Variants in RIMS2 observed in about 807,000 individuals in gnomAD.
RIMS2 encodes the protein regulating synaptic membrane exocytosis protein 2.
Under a neutral mutation model 174.4 loss-of-function variants are expected in RIMS2, and 59 were observed. The ratio of observed to expected loss-of-function variants is 0.34; its 90% CI spans 0.27 to 0.42. RIMS2 has a LOEUF of 0.42. RIMS2 is among the 10% of genes least tolerant of loss of function. The probability of loss-of-function intolerance (pLI) is 1.00; values close to 1 mark genes in which losing one functional copy is unlikely to be tolerated. For missense variants in RIMS2, 1,620 were observed against 1,666.3 expected (o/e 0.97, Z 0.48); for synonymous variants, 606 against 572.5 (o/e 1.06, Z -0.84).
At position 103,806,794 on chromosome 8, in the gene RIMS2, T is replaced by C. The variant is rs2098653144; in HGVS notation, c.698+40257T>C. 2.6e-5 allele frequency among the ~76,000 whole-genome samples: 4 copies of C among 151,948 alleles called. No individual in the cohort carries two copies. The South Asian group carries it at 6.2e-4, about 24-fold the overall frequency. ...ATGGATTTGTGTTCCATTTTGAAGATAGAGTTGATAGAACCTACCGATAGA... is the reference window on the plus strand; with the variant it reads ...ATGGATTTGTGTTCCATTTTGAAGACAGAGTTGATAGAACCTACCGATAGA... On this transcript the variant is annotated intron_variant, in intron 3 of 23. Coordinates refer to ENST00000504942, the Ensembl canonical transcript of RIMS2.
At chr8:104,154,670 A>G (rs2098710648) in intron 19 of RIMS2, among the ~76,000 whole-genome samples, 2 of 152,222 alleles carry the variant, frequency 1.3e-5, no homozygotes, top group African/African-American at 4.8e-5. Flanking sequence ...GAGATCCAGA[A>G]CTTAAGTGGA....
intron 19 of RIMS2, among the ~76,000 whole-genome samples, chr8:104,078,164 A>G (rs1598355656): frequency 1.2e-5 from 1 of 81,728 alleles, no homozygotes; most frequent in Admixed American, 1.1e-4. Flanking sequence ...AAAACAAACC[A>G]AAAAAAAAAA....
chr8:103,977,946 C>G (rs959328170), intron 16 of RIMS2, among the ~76,000 whole-genome samples: 2 of 152,186 alleles, frequency 1.3e-5, no homozygotes, highest in African/African-American at 4.8e-5. Context: ...AGCCCTCAAC[C>G]CTCTTTCTGT....
intron 7 of RIMS2, among the ~76,000 whole-genome samples, chr8:103,915,999 G>T (rs1255857738): frequency 2.0e-5 from 3 of 151,852 alleles, no homozygotes; most frequent in Non-Finnish European, 4.4e-5. Context: ...AAGAGGATTT[G>T]ATAATATACT....
chr8:103,557,208 A>G (rs2090649898), intron 1 of RIMS2, among the ~76,000 whole-genome samples: 1 of 152,166 alleles, frequency 6.6e-6, no homozygotes, highest in African/African-American at 2.4e-5. Context: ...CATATTACTG[A>G]TCCTTAGTGA....
At chr8:104,199,918 C>A (rs1481720446) in intron 19 of RIMS2, among the ~76,000 whole-genome samples, 4 of 152,076 alleles carry the variant, frequency 2.6e-5, no homozygotes, top group Non-Finnish European at 4.4e-5. Context: ...ATATGATGAA[C>A]CTGGGTCCTA....
chr8:103,652,303 G>C, intron 1 of RIMS2, 66 bp downstream of exon 2: 1 of 924,264 alleles, frequency 1.1e-6, no homozygotes, highest in Non-Finnish European at 1.6e-6. Context: ...CTGCTTTCTG[G>C]TATTAGCTTA....
intron 1 of RIMS2, among the ~76,000 whole-genome samples, chr8:103,683,228 G>C (rs562138069): frequency 3.3e-5 from 5 of 152,172 alleles, no homozygotes; most frequent in African/African-American, 1.2e-4. Context: ...ACTGGCATCC[G>C]CTTGGCTTCT....
intron 19 of RIMS2, among the ~76,000 whole-genome samples, chr8:104,170,989 T>C (rs935964457): frequency 6.6e-6 from 1 of 152,176 alleles, no homozygotes; most frequent in African/African-American, 2.4e-5. Flanking sequence ...CCCCAATCCC[T>C]TCTGCCTTGT....
chr8:104,031,347 A>T (rs1039270849), intron 19 of RIMS2, among the ~76,000 whole-genome samples: 5 of 152,082 alleles, frequency 3.3e-5, no homozygotes, highest in Non-Finnish European at 7.4e-5. Context: ...ATAAGCTAGT[A>T]TGTATTATTT....
At position 104,199,354 on chromosome 8, in the gene RIMS2, G is replaced by A. The variant is rs150196647; in HGVS notation, c.3335-45562G>A. Among the ~76,000 whole-genome samples the A allele has an allele frequency of 9.9e-3, 1,513 of 152,182 alleles. 25 individuals carry two copies. Among genetic ancestry groups the A allele is most frequent in the African/African-American group, 0.034 (1,410 of 41,522 alleles). ...TGGGATTACAGGCATGAGCCACCAC[G>A]CCCGGCCTATTTTAACAAGATCTAT... On this transcript the variant is annotated intron_variant, in intron 19 of 23. Coordinates refer to ENST00000504942, the Ensembl canonical transcript of RIMS2.
intron 1 of RIMS2, among the ~76,000 whole-genome samples, chr8:103,620,271 T>C (rs2095605031): frequency 6.6e-6 from 1 of 152,198 alleles, no homozygotes; most frequent in Admixed American, 6.5e-5. Context: ...CCTTCACTGC[T>C]AGATGATATT....
intron 19 of RIMS2, among the ~76,000 whole-genome samples, chr8:104,198,273 G>A (rs962492229): frequency 1.3e-5 from 2 of 152,154 alleles, no homozygotes; most frequent in Non-Finnish European, 2.9e-5. Flanking sequence ...GAGACACTCC[G>A]TGTTTCAGAC....
At chr8:104,078,848 A>C (rs2097351069) in intron 19 of RIMS2, among the ~76,000 whole-genome samples, 1 of 152,178 alleles carries the variant, frequency 6.6e-6, no homozygotes, top group Non-Finnish European at 1.5e-5. Context: ...AAATCCTAAG[A>C]GATAAAATAT....
intron 3 of RIMS2, among the ~76,000 whole-genome samples, chr8:103,830,429 A>G (rs1164887732): frequency 1.3e-5 from 2 of 152,144 alleles, no homozygotes; most frequent in Non-Finnish European, 2.9e-5. Context: ...TGAGAGAAAT[A>G]TCTTATTATT....
intron 1 of RIMS2, among the ~76,000 whole-genome samples, chr8:103,565,003 CAT>C (rs2092154509): frequency 6.6e-6 from 1 of 152,136 alleles, no homozygotes; most frequent in African/African-American, 2.4e-5. Flanking sequence ...TTTAACCACA[CAT>C]GTAGAGAAGC....
chr8:103,748,116 A>T (rs1023002961), intron 2 of RIMS2, among the ~76,000 whole-genome samples: 1 of 152,008 alleles, frequency 6.6e-6, no homozygotes, highest in African/African-American at 2.4e-5. Context: ...ACCATGGAGG[A>T]TCTAAAAGAG....
At chr8:104,198,024 G>T (rs2099034503) in intron 19 of RIMS2, among the ~76,000 whole-genome samples, 2 of 151,878 alleles carry the variant, frequency 1.3e-5, no homozygotes, top group African/African-American at 2.4e-5. Context: ...ATCTTCAAAA[G>T]TATACCTATG....
At chr8:104,099,844 T>C (rs961201450) in intron 19 of RIMS2, among the ~76,000 whole-genome samples, 2 of 150,958 alleles carry the variant, frequency 1.3e-5, no homozygotes, top group Admixed American at 1.3e-4. Context: ...TGAGACAGCA[T>C]CTCACTGTGT....
Sources: gnomAD v4.1 joint callset for allele counts (sites outside exome capture counted in the v4.1 genomes callset) on GRCh38, gnomAD v4.1.1 for gene constraint, MANE v1.5 for transcripts, NCBI Gene and HGNC (gene_info 2026-07-23, HGNC 2026-07-21) for gene names.